The following SRBD1 variants were observed in gnomAD, a reference collection of about 807,000 sequenced individuals.
The protein encoded by SRBD1 is S1 RNA-binding domain-containing protein 1.
SRBD1 carries 88 observed loss-of-function variants against 115.3 expected under a neutral mutation model. The observed-to-expected ratio is 0.76, with a 90% CI of 0.64 to 0.91. The LOEUF (loss-of-function observed/expected upper bound fraction) is 0.91, where lower values mean the gene tolerates loss of function less well. Ranked by LOEUF, SRBD1 falls within the 40% of genes least tolerant of loss-of-function variation. The pLI is 0.00. For missense variants in SRBD1, 1,385 were observed against 1,177.4 expected (o/e 1.18, Z -2.58); for synonymous variants, 509 against 407.7 (o/e 1.25, Z -2.99).
At chr2:45,429,515 A>G (rs943679944) in intron 16 of SRBD1, among the ~76,000 whole-genome samples, 3 of 152,200 alleles carry the variant, frequency 2.0e-5, no homozygotes, top group Non-Finnish European at 4.4e-5. Context: ...AACGTAATCC[A>G]TCACATAAAC....
At chr2:45,414,683 T>C (rs545012286) in intron 18 of SRBD1, among the ~76,000 whole-genome samples, 18 of 149,090 alleles carry the variant, frequency 1.2e-4, no homozygotes, top group African/African-American at 2.7e-4. Context: ...ATAGTATGTA[T>C]ATACACACAC....
At chr2:45,436,037 T>C (rs1668487605) in intron 16 of SRBD1, among the ~76,000 whole-genome samples, 1 of 151,998 alleles carries the variant, frequency 6.6e-6, no homozygotes, top group African/African-American at 2.4e-5. Flanking sequence ...TCTAACAATC[T>C]ATAAGAAGAA....
At chr2:45,569,186 T>C (rs1032352509) in intron 9 of SRBD1, 4 of 152,178 alleles carry the variant, frequency 2.6e-5, no homozygotes, top group African/African-American at 9.7e-5. Context: ...ACAATTACTT[T>C]TTTATTTTTT....
At chr2:45,590,275 T>C (rs1053625646) in intron 4 of SRBD1, among the ~76,000 whole-genome samples, 3 of 152,222 alleles carry the variant, frequency 2.0e-5, no homozygotes, top group Admixed American at 6.5e-5. Context: ...CTGAACTAAC[T>C]CTGGGAGGAA....
intron 7 of SRBD1, among the ~76,000 whole-genome samples, chr2:45,577,733 G>A (rs747458085): frequency 4.6e-5 from 7 of 151,586 alleles, no homozygotes; most frequent in East Asian, 3.9e-4. Context: ...AACTTCTTTC[G>A]AAAAACAAGT....
chr2:45,478,306 C>CAGAT (rs913499447), intron 15 of SRBD1, among the ~76,000 whole-genome samples: 3 of 152,208 alleles, frequency 2.0e-5, no homozygotes, highest in Admixed American at 2.0e-4. Context: ...AAGTGACTCT[C>CAGAT]AGATTCTCCA....
rs560394720 is a variant in SRBD1 at position 45,571,661 on chromosome 2, A to T, written c.1305+1546T>A. On this transcript the variant is annotated intron_variant, in intron 9 of 20. Coordinates refer to ENST00000263736, the MANE Select transcript of SRBD1 (RefSeq NM_018079.5). ...AGACCTAAAGAAAGCCAGGAGAATG[A>T]TCTTTCAACCATATAGAAAAGTAAG... is the stretch of plus-strand genomic sequence containing the variant. Among the ~76,000 whole-genome samples, 13 of 152,144 alleles carry T rather than the reference A, an allele frequency of 8.5e-5. No individual in the cohort carries two copies. The South Asian group carries it at 2.7e-3, about 31-fold the overall frequency.
At chr2:45,522,089 C>G (rs1318462317) in intron 14 of SRBD1, among the ~76,000 whole-genome samples, 1 of 151,886 alleles carries the variant, frequency 6.6e-6, no homozygotes, top group Non-Finnish European at 1.5e-5. Context: ...TGAAAATCAC[C>G]CAAGTGTACA....
intron 14 of SRBD1, among the ~76,000 whole-genome samples, chr2:45,495,568 T>C (rs1178037782): frequency 6.6e-6 from 1 of 151,944 alleles, no homozygotes; most frequent in African/African-American, 2.4e-5. Context: ...GATACCAACA[T>C]AAAGTTGTTG....
chr2:45,538,850 A>C (rs1360893651), intron 14 of SRBD1, among the ~76,000 whole-genome samples: 3 of 152,182 alleles, frequency 2.0e-5, no homozygotes, highest in Non-Finnish European at 2.9e-5. Context: ...CAGTACCAAT[A>C]ATTTTTATTT....
rs1452426373 is a variant in SRBD1, at chr2:45,463,031, G to A, written c.2049+13962C>T. ...TGAGAATAACCCGGGGGGGGGGGGG[G>A]AAATCTCTCTTGTCAATATAATTTT... On this transcript the variant is annotated intron_variant, in intron 16 of 20. Transcript: ENST00000263736. 2.0e-4 allele frequency among the ~76,000 whole-genome samples: 13 copies of A among 65,326 alleles called. 1 individual carries two copies. The East Asian group carries it at 3.4e-3, about 17-fold the overall frequency. The allele number at this position is 65,326 out of a possible 152,430, so 42.9% of individuals were successfully genotyped here.
intron 15 of SRBD1, among the ~76,000 whole-genome samples, chr2:45,482,827 G>C (rs1447784536): frequency 1.3e-5 from 2 of 151,872 alleles, no homozygotes; most frequent in East Asian, 1.9e-4. Context: ...ATATAAAATG[G>C]AGTACCATTT....
intron 16 of SRBD1, 55 bp downstream of exon 16, chr2:45,476,938 G>T: frequency 6.7e-7 from 1 of 1,501,952 alleles, no homozygotes; most frequent in Non-Finnish European, 9.2e-7. Context: ...CCAGGTTTGA[G>T]TACTGCTCCT....
chr2:45,598,385 C>T (rs970930096), intron 4 of SRBD1, among the ~76,000 whole-genome samples: 4 of 151,956 alleles, frequency 2.6e-5, no homozygotes, highest in African/African-American at 4.8e-5. Flanking sequence ...GAGGCCGAGG[C>T]GGGCAGATCA....
At chr2:45,565,416 T>C (rs918906739) in intron 9 of SRBD1, among the ~76,000 whole-genome samples, 4 of 152,142 alleles carry the variant, frequency 2.6e-5, no homozygotes, top group East Asian at 1.9e-4. Flanking sequence ...TAACTAGAAC[T>C]CACCACATGC....
intron 16 of SRBD1, among the ~76,000 whole-genome samples, chr2:45,426,062 C>G (rs1668144858): frequency 6.6e-6 from 1 of 152,142 alleles, no homozygotes; most frequent in South Asian, 2.1e-4. Context: ...CTCAGCAGAT[C>G]CCAACCCCAT....
intron 10 of SRBD1, among the ~76,000 whole-genome samples, chr2:45,556,118 T>C (rs188476674): frequency 4.0e-5 from 6 of 151,654 alleles, no homozygotes; most frequent in Admixed American, 2.0e-4. Flanking sequence ...GAAAGTGTCA[T>C]ACAGTTTTTA....
At chr2:45,565,693 G>T (rs1672806662) in intron 9 of SRBD1, among the ~76,000 whole-genome samples, 1 of 152,124 alleles carries the variant, frequency 6.6e-6, no homozygotes, top group Non-Finnish European at 1.5e-5. Flanking sequence ...GCACGGCATG[G>T]GACAAAAATT....
intron 16 of SRBD1, among the ~76,000 whole-genome samples, chr2:45,470,540 C>A (rs1572676181): frequency 6.6e-6 from 1 of 152,200 alleles, no homozygotes. Context: ...GTGTTCATTA[C>A]CAAATGGAGG....
Sources: allele counts gnomAD v4.1 joint callset (sites outside exome capture counted in the v4.1 genomes callset), GRCh38; gene constraint gnomAD v4.1.1; transcripts MANE v1.5; gene names NCBI Gene and HGNC (gene_info 2026-07-23, HGNC 2026-07-21).